The following PXDN variants were observed in gnomAD, a reference collection of about 807,000 sequenced individuals.
The protein encoded by PXDN is peroxidasin.
Under a neutral mutation model 140.3 loss-of-function variants are expected in PXDN, and 77 were observed. The observed-to-expected ratio is 0.55, with a 90% CI of 0.46 to 0.66. The LOEUF is 0.66. Ranked by LOEUF, PXDN falls within the 30% of genes least tolerant of loss-of-function variation. The probability of loss-of-function intolerance (pLI) is 0.00; values close to 1 mark genes in which losing one functional copy is unlikely to be tolerated. For missense variants in PXDN, 1,838 were observed against 2,039.5 expected, an observed-to-expected ratio of 0.90 and a Z score of 1.90; for synonymous variants, 911 against 857.4, an observed-to-expected ratio of 1.06 and a Z score of -1.09.
chr2:1,720,525 G>A (rs1056051216), intron 1 of PXDN, among the ~76,000 whole-genome samples: 11 of 151,998 alleles, frequency 7.2e-5, no homozygotes, highest in African/African-American at 2.7e-4. Flanking sequence ...GAGTCTGCAG[G>A]GAGTGCCTCG....
chr2:1,706,063 C>T (rs1413013352), intron 1 of PXDN, among the ~76,000 whole-genome samples: 6 of 152,156 alleles, frequency 3.9e-5, no homozygotes, highest in South Asian at 4.1e-4. Flanking sequence ...TCAGTCAGAG[C>T]GAGAACTTGG....
intron 1 of PXDN, among the ~76,000 whole-genome samples, chr2:1,701,637 CA>C (rs573087027): frequency 5.4e-4 from 82 of 152,124 alleles, no homozygotes; most frequent in African/African-American, 1.8e-3. Flanking sequence ...AGGATGGGGT[CA>C]GGGGTGTCCA....
At chr2:1,694,948 G>A (rs566452933) in intron 1 of PXDN, among the ~76,000 whole-genome samples, 24 of 152,302 alleles carry the variant, frequency 1.6e-4, no homozygotes, top group Admixed American at 1.6e-3. Context: ...ATTTGAACAG[G>A]TAAGAAAGGC....
intron 8 of PXDN, among the ~76,000 whole-genome samples, chr2:1,675,427 C>G (rs1263899189): frequency 6.6e-6 from 1 of 152,192 alleles, no homozygotes; most frequent in Non-Finnish European, 1.5e-5. Flanking sequence ...TTTAAATGCA[C>G]ACAACATAAT....
In PXDN at chr2:1,649,722, G is replaced by A. The variant is rs200688824; in HGVS notation, c.2105-47C>T. On this transcript the variant is annotated intron_variant, in intron 16 of 22. Coordinates refer to ENST00000252804, the MANE Select transcript of PXDN (RefSeq NM_012293.3). This position sits in a 1 kb window ranked among gnomAD's most constrained non-coding sequence, Gnocchi z 7.1. ...GACGCACTCAATTCCCCTGGAGGAT[G>A]TGTGAGGGCCCGGTACCCCTTGGCA... is the stretch of plus-strand genomic sequence containing the variant. The A allele has an allele frequency of 6.3e-7, 1 of 1,599,020 alleles. No individual in the cohort carries two copies. Among genetic ancestry groups the A allele is most frequent in the Non-Finnish European group, 8.6e-7 (1 of 1,167,478 alleles).
chr2:1,635,554 G>A, intron 21 of PXDN, 33 bp from the exon 22 acceptor site: 1 of 1,455,534 alleles, frequency 6.9e-7, no homozygotes, highest in Non-Finnish European at 9.5e-7. Flanking sequence ...CATTCATTGG[G>A]CACTTCAGAG....
intron 1 of PXDN, among the ~76,000 whole-genome samples, chr2:1,724,690 G>A (rs1314456620): frequency 1.3e-5 from 2 of 151,954 alleles, no homozygotes; most frequent in African/African-American, 4.8e-5. Flanking sequence ...TTCATTTCTG[G>A]GCTCTGTATT....
chr2:1,635,309 G>A, intron 22 of PXDN, 99 bp downstream of exon 22: 2 of 996,596 alleles, frequency 2.0e-6, no homozygotes, highest in East Asian at 5.2e-5. Context: ...GCGGGGAGGG[G>A]CCTGGCCCTG....
chr2:1,713,402 C>T (rs1684827524), intron 1 of PXDN, among the ~76,000 whole-genome samples: 1 of 152,210 alleles, frequency 6.6e-6, no homozygotes, highest in Admixed American at 6.5e-5. Context: ...CAGGAGGCAC[C>T]CAGGAAATCT....
chr2:1,675,106 T>C (rs1334829433), intron 8 of PXDN, among the ~76,000 whole-genome samples: 1 of 152,160 alleles, frequency 6.6e-6, no homozygotes. Flanking sequence ...CAGGGATTGC[T>C]GGATGGAAGC....
chr2:1,651,524 G>C lies in PXDN; in HGVS notation c.2105-1849C>G, dbSNP rs1412364142. Among the ~76,000 whole-genome samples the C allele has an allele frequency of 6.6e-6, 1 of 152,130 alleles. No individual in the cohort carries two copies. The highest frequency in any genetic ancestry group is 1.5e-5 in the Non-Finnish European group (1 of 68,024). On this transcript the variant is annotated intron_variant, in intron 16 of 22. Coordinates refer to ENST00000252804, the MANE Select transcript of PXDN (RefSeq NM_012293.3). This position sits in a 1 kb window ranked among gnomAD's most constrained non-coding sequence, Gnocchi z 4.4. Reference sequence around the variant, plus strand: ...CAGCCAACGACATATCCTTATATTCGCTCCCAGGCCCTTTCTGGTGGAGCA... The same window carrying C: ...CAGCCAACGACATATCCTTATATTCCCTCCCAGGCCCTTTCTGGTGGAGCA...
intron 1 of PXDN, among the ~76,000 whole-genome samples, chr2:1,739,489 G>T (rs552359066): frequency 6.6e-6 from 1 of 152,120 alleles, no homozygotes; most frequent in East Asian, 1.9e-4. Context: ...GAGGAGGAAG[G>T]CAAGATCTAA....
chr2:1,655,492 C>T lies in PXDN; in HGVS notation c.1838-984G>A, dbSNP rs569567418. 5.3e-5 allele frequency among the ~76,000 whole-genome samples: 8 copies of T among 151,668 alleles called. No individual in the cohort carries two copies. In the South Asian group the frequency reaches 1.7e-3, roughly 32 times the overall value. Reference sequence around the variant, plus strand: ...ATTGCACAAACACACCAGAGGTATGCACCACACACTGCACATTATACACAG... The same window carrying T: ...ATTGCACAAACACACCAGAGGTATGTACCACACACTGCACATTATACACAG... On this transcript the variant is annotated intron_variant, in intron 14 of 22. Coordinates refer to ENST00000252804, the MANE Select transcript of PXDN (RefSeq NM_012293.3).
chr2:1,720,183 GAT>G lies in PXDN; in HGVS notation c.200+24071_200+24072del, dbSNP rs1328761153. ...GGAGGGAGGGATGCAGAGAGAGAGA[GAT>G]GCACAGAGAGAGGGAGGGATGCAGA... is the stretch of plus-strand genomic sequence containing the variant. On this transcript the variant is annotated intron_variant, in intron 1 of 22. Coordinates refer to ENST00000252804, the MANE Select transcript of PXDN (RefSeq NM_012293.3). Among the ~76,000 whole-genome samples, 13 of 69,906 alleles carry G rather than the reference GAT, an allele frequency of 1.9e-4. 2 individuals carry two copies. In the East Asian group the frequency reaches 0.021, roughly 112 times the overall value. The allele number at this position is 69,906 out of a possible 152,430, so 45.9% of individuals were successfully genotyped here.
chr2:1,710,287 C>G (rs1684720473), intron 1 of PXDN, among the ~76,000 whole-genome samples: 1 of 152,134 alleles, frequency 6.6e-6, no homozygotes, highest in African/African-American at 2.4e-5. Flanking sequence ...GTTGCCCAAG[C>G]CTGAAGGTCA....
chr2:1,644,474 GC>G (rs1330628425), intron 18 of PXDN, 143 bp downstream of exon 18: 1 of 977,496 alleles, frequency 1.0e-6, no homozygotes, highest in Non-Finnish European at 1.4e-6. Flanking sequence ...GGGCCTCAGT[GC>G]CTTCCTCATT....
chr2:1,726,837 T>C (rs1055592633), intron 1 of PXDN, among the ~76,000 whole-genome samples: 1 of 152,220 alleles, frequency 6.6e-6, no homozygotes. Context: ...TGCTTTTGAA[T>C]TTCCGTTTTT....
chr2:1,659,109 A>C (rs1395302909), intron 14 of PXDN, among the ~76,000 whole-genome samples: 1 of 152,224 alleles, frequency 6.6e-6, no homozygotes, highest in Non-Finnish European at 1.5e-5. Context: ...ACTATTGGTG[A>C]TAACTGGGCC....
intron 7 of PXDN, among the ~76,000 whole-genome samples, 170 bp downstream of exon 7, chr2:1,680,023 G>A (rs541851878): frequency 1.3e-5 from 2 of 151,022 alleles, no homozygotes; most frequent in South Asian, 2.1e-4. Flanking sequence ...TGGTGTATGC[G>A]TGTATGTGCG....
Sources: allele counts gnomAD v4.1 joint callset (sites outside exome capture counted in the v4.1 genomes callset), GRCh38; gene constraint gnomAD v4.1.1; non-coding constraint Gnocchi (gnomAD v3.1); transcripts MANE v1.5; gene names NCBI Gene and HGNC (gene_info 2026-07-23, HGNC 2026-07-21).